The following RABGAP1L variants were observed in gnomAD, a reference collection of about 807,000 sequenced individuals.
The protein encoded by RABGAP1L is rab GTPase-activating protein 1-like.
In RABGAP1L, 63 loss-of-function variants were observed where a neutral mutation model predicts 137.7. The ratio of observed to expected loss-of-function variants is 0.46; its 90% CI spans 0.37 to 0.56. The LOEUF is 0.56. Ranked by LOEUF, RABGAP1L falls within the 20% of genes least tolerant of loss-of-function variation. RABGAP1L has a pLI of 0.00. For missense variants in RABGAP1L, 1,095 were observed against 1,244.0 expected (o/e 0.88, Z 1.80); for synonymous variants, 431 against 433.7 (o/e 0.99, Z 0.08).
intron 13 of RABGAP1L, among the ~76,000 whole-genome samples, chr1:174,467,890 A>G (rs1209703524): frequency 1.3e-5 from 2 of 152,140 alleles, no homozygotes; most frequent in Admixed American, 6.5e-5. Context: ...GCTATAGAAG[A>G]TATTTCTAGA....
At chr1:174,809,860 G>A (rs186128485) in intron 18 of RABGAP1L, among the ~76,000 whole-genome samples, 1 of 152,268 alleles carries the variant, frequency 6.6e-6, no homozygotes, top group African/African-American at 2.4e-5. Context: ...AGTTAGAGAG[G>A]CTCTCTCTCA....
At chr1:174,597,406 A>G (rs1272446315) in intron 13 of RABGAP1L, among the ~76,000 whole-genome samples, 2 of 152,140 alleles carry the variant, frequency 1.3e-5, no homozygotes, top group African/African-American at 4.8e-5. Flanking sequence ...TTAAGGGTCT[A>G]TTCGAGTTTT....
intron 14 of RABGAP1L, among the ~76,000 whole-genome samples, chr1:174,678,433 T>G (rs1359437723): frequency 6.6e-6 from 1 of 151,432 alleles, no homozygotes; most frequent in Non-Finnish European, 1.5e-5. Context: ...CCAGTATTCC[T>G]CATAAAATAT....
chr1:174,676,215 T>C (rs1677614745), intron 14 of RABGAP1L, among the ~76,000 whole-genome samples: 1 of 152,218 alleles, frequency 6.6e-6, no homozygotes, highest in African/African-American at 2.4e-5. Context: ...CTGTATATTG[T>C]TGAGACTACA....
intron 19 of RABGAP1L, among the ~76,000 whole-genome samples, chr1:174,827,648 C>A (rs1445789607): frequency 2.2e-5 from 3 of 137,642 alleles, no homozygotes; most frequent in African/African-American, 7.7e-5. Context: ...CCCATTTTCT[C>A]CTAAACTCTC....
intron 19 of RABGAP1L, among the ~76,000 whole-genome samples, chr1:174,872,837 T>G (rs1414956562): frequency 6.6e-6 from 1 of 152,128 alleles, no homozygotes; most frequent in Non-Finnish European, 1.5e-5. Context: ...CCAGCCTTTC[T>G]TATAGTTATT....
intron 19 of RABGAP1L, among the ~76,000 whole-genome samples, chr1:174,899,118 C>T (rs59476511): frequency 0.024 from 3,661 of 152,004 alleles, 140 homozygotes; most frequent in African/African-American, 0.083. Flanking sequence ...TATGGGGAAG[C>T]GTGTTCTAGG....
intron 13 of RABGAP1L, among the ~76,000 whole-genome samples, chr1:174,413,197 C>T (rs372337803): frequency 6.6e-6 from 1 of 151,936 alleles, no homozygotes; most frequent in South Asian, 2.1e-4. Context: ...TGTATTAGTT[C>T]AAAACACTGG....
At chr1:174,762,573 ATGGT>A (rs1272703532) in intron 18 of RABGAP1L, among the ~76,000 whole-genome samples, 9 of 152,178 alleles carry the variant, frequency 5.9e-5, no homozygotes, top group African/African-American at 1.9e-4. Flanking sequence ...ACCTGATTAA[ATGGT>A]TGGTTGGTTG....
At chr1:174,904,473 A>G (rs1002983140) in intron 19 of RABGAP1L, among the ~76,000 whole-genome samples, 8 of 152,160 alleles carry the variant, frequency 5.3e-5, no homozygotes, top group African/African-American at 1.9e-4. Context: ...AAGCATCATG[A>G]CTGCCTAAAG....
At chr1:174,316,385 G>T (rs1679377872) in intron 11 of RABGAP1L, among the ~76,000 whole-genome samples, 1 of 152,052 alleles carries the variant, frequency 6.6e-6, no homozygotes, top group Non-Finnish European at 1.5e-5. Flanking sequence ...TCCTTTTTGG[G>T]AATGCTTTTC....
At chr1:174,572,063 T>C (rs1668019207) in intron 13 of RABGAP1L, among the ~76,000 whole-genome samples, 1 of 152,242 alleles carries the variant, frequency 6.6e-6, no homozygotes, top group African/African-American at 2.4e-5. Flanking sequence ...ATGAAACATT[T>C]TCAAAAACAT....
chr1:174,365,271 T>C (rs1251180712), intron 11 of RABGAP1L: 1 of 152,222 alleles, frequency 6.6e-6, no homozygotes, highest in African/African-American at 2.4e-5. Flanking sequence ...GTTGGAACTT[T>C]CTTTACATTC....
At chr1:174,293,184 T>C (rs1368280638) in intron 10 of RABGAP1L, among the ~76,000 whole-genome samples, 1 of 152,168 alleles carries the variant, frequency 6.6e-6, no homozygotes, top group African/African-American at 2.4e-5. Flanking sequence ...CAATTTGGTT[T>C]TTCCTTACTT....
chr1:174,370,368 C>G (rs1330019621), intron 11 of RABGAP1L, among the ~76,000 whole-genome samples: 1 of 151,472 alleles, frequency 6.6e-6, no homozygotes, highest in Non-Finnish European at 1.5e-5. Flanking sequence ...TAAATCAACC[C>G]ATATTGTTTC....
chr1:174,730,584 C>T lies in RABGAP1L; in HGVS notation c.2170-21729C>T, dbSNP rs1279159972. ...TGAGTTGGATATACAATGCTATTCT[C>T]TTGATGTTTGGATTTTCCCCGAAAC... On this transcript the variant is annotated intron_variant, in intron 17 of 25. Transcript: ENST00000681986. Among the ~76,000 whole-genome samples, 6 of 152,246 alleles carry T rather than the reference C, an allele frequency of 3.9e-5. No homozygotes were observed. In the East Asian group the frequency reaches 7.7e-4, roughly 20 times the overall value.
intron 19 of RABGAP1L, among the ~76,000 whole-genome samples, chr1:174,863,509 T>C (rs1386980658): frequency 1.3e-5 from 2 of 150,176 alleles, no homozygotes; most frequent in Non-Finnish European, 3.0e-5. Flanking sequence ...CCGTCTCTAC[T>C]AAAAAGACAA....
rs1034762407 is a variant in RABGAP1L at position 174,615,732 on chromosome 1, C to T, written c.1711-21643C>T. On this transcript the variant is annotated intron_variant, in intron 13 of 25. Coordinates refer to ENST00000681986, the MANE Select transcript of RABGAP1L (RefSeq NM_001366446.1). ...TCCTTGAGCTGTGGTGGGCTCCATC[C>T]AGTTCGAGCTTCCCGGCTGCTTTGT... Among the ~76,000 whole-genome samples, 3 of 152,204 alleles carry T rather than the reference C, an allele frequency of 2.0e-5. 1 individual carries two copies. Among genetic ancestry groups the T allele is most frequent in the Non-Finnish European group, 4.4e-5 (3 of 68,036 alleles).
chr1:174,340,347 C>T (rs999622368), intron 11 of RABGAP1L, among the ~76,000 whole-genome samples: 2 of 152,054 alleles, frequency 1.3e-5, no homozygotes, highest in Admixed American at 6.6e-5. Context: ...GGTACATGTG[C>T]ACATGATTTG....
Sources: gnomAD v4.1 joint callset for allele counts (sites outside exome capture counted in the v4.1 genomes callset) on GRCh38, gnomAD v4.1.1 for gene constraint, MANE v1.5 for transcripts, NCBI Gene and HGNC (gene_info 2026-07-23, HGNC 2026-07-21) for gene names.